The following AGBL4 variants were observed in gnomAD, a reference collection of about 807,000 sequenced individuals.
The protein encoded by AGBL4 is cytosolic carboxypeptidase 6.
AGBL4 carries 58 observed loss-of-function variants against 66.4 expected under a neutral mutation model. The observed-to-expected ratio is 0.87, with a 90% confidence interval of 0.71 to 1.09. The LOEUF (loss-of-function observed/expected upper bound fraction) is 1.09. Ranked by LOEUF, AGBL4 falls within the 50% of genes least tolerant of loss-of-function variation. The pLI, the probability that AGBL4 is intolerant of heterozygous loss-of-function variation, is 0.00. For synonymous variants in AGBL4, 234 were observed against 222.9 expected (o/e 1.05, Z -0.44); for missense variants, 579 against 631.0 (o/e 0.92, Z 0.88).
chr1:49,071,191 T>A (rs1431206519), intron 4 of AGBL4, among the ~76,000 whole-genome samples: 1 of 151,830 alleles, frequency 6.6e-6, no homozygotes, highest in Non-Finnish European at 1.5e-5. Context: ...TTTCAAAAAA[T>A]CAGCTCCTGG....
intron 3 of AGBL4, among the ~76,000 whole-genome samples, chr1:49,573,987 G>T (rs1013944332): frequency 2.6e-5 from 4 of 152,136 alleles, no homozygotes; most frequent in African/African-American, 7.2e-5. Flanking sequence ...ACCCTGTGCT[G>T]CCTGAGGCAA....
chr1:48,763,309 T>C (rs1342923060), intron 6 of AGBL4, among the ~76,000 whole-genome samples: 4 of 152,138 alleles, frequency 2.6e-5, no homozygotes, highest in Non-Finnish European at 1.5e-5. Flanking sequence ...ATAAAACACA[T>C]CCAATGGGTT....
At chr1:50,003,171 T>C (rs1465731766) in intron 1 of AGBL4, among the ~76,000 whole-genome samples, 1 of 152,198 alleles carries the variant, frequency 6.6e-6, no homozygotes, top group Non-Finnish European at 1.5e-5. Context: ...AAGAATGTGA[T>C]AAATATGACT....
intron 3 of AGBL4, among the ~76,000 whole-genome samples, chr1:49,448,219 T>A (rs1427881605): frequency 1.3e-5 from 2 of 152,148 alleles, no homozygotes; most frequent in Non-Finnish European, 2.9e-5. Flanking sequence ...GCTTTAACAA[T>A]TATGTATTGG....
At chr1:48,692,713 T>A (rs1646652839) in intron 6 of AGBL4, among the ~76,000 whole-genome samples, 1 of 152,166 alleles carries the variant, frequency 6.6e-6, no homozygotes, top group Admixed American at 6.5e-5. Context: ...AGCTTGTGTT[T>A]GTTGTAGAGC....
intron 2 of AGBL4, among the ~76,000 whole-genome samples, chr1:49,813,927 C>T (rs972225629): frequency 6.6e-6 from 1 of 152,084 alleles, no homozygotes; most frequent in Admixed American, 6.6e-5. Context: ...GCGGGCAGGT[C>T]TTTCCCATGC....
chr1:48,663,324 A>C (rs1403868569), intron 6 of AGBL4, 83 bp from the exon 7 acceptor site: 1 of 1,297,390 alleles, frequency 7.7e-7, no homozygotes, highest in Non-Finnish European at 1.1e-6. Context: ...GGAACCCCAG[A>C]GGGAATGGGC....
At chr1:48,605,971 A>G (rs900979227) in intron 9 of AGBL4, among the ~76,000 whole-genome samples, 1 of 152,202 alleles carries the variant, frequency 6.6e-6, no homozygotes, top group African/African-American at 2.4e-5. Flanking sequence ...CCAGGTTAAT[A>G]ACAGTAATGG....
At chr1:48,638,334 C>T (rs1645700898) in intron 8 of AGBL4, among the ~76,000 whole-genome samples, 1 of 152,214 alleles carries the variant, frequency 6.6e-6, no homozygotes, top group African/African-American at 2.4e-5. Flanking sequence ...GTGTTCCTCA[C>T]CAGCTGTGTG....
At chr1:49,964,944 T>C (rs902206380) in intron 1 of AGBL4, among the ~76,000 whole-genome samples, 6 of 152,176 alleles carry the variant, frequency 3.9e-5, no homozygotes, top group African/African-American at 1.2e-4. Flanking sequence ...AAACATATTT[T>C]ATTATAAAGA....
At chr1:49,016,638 C>A (rs368437686) in intron 5 of AGBL4, among the ~76,000 whole-genome samples, 16 of 152,142 alleles carry the variant, frequency 1.1e-4, no homozygotes, top group East Asian at 9.7e-4. Flanking sequence ...GAGGTCATGA[C>A]CTCAAAGGCT....
chr1:49,180,208 T>G (rs1474035378), intron 4 of AGBL4, among the ~76,000 whole-genome samples: 10 of 152,200 alleles, frequency 6.6e-5, no homozygotes, highest in Admixed American at 5.9e-4. Context: ...ACTTAACATC[T>G]TTAAATCTCA....
chr1:49,384,322 G>A (rs1220440801), intron 3 of AGBL4, among the ~76,000 whole-genome samples: 4 of 152,116 alleles, frequency 2.6e-5, no homozygotes, highest in East Asian at 3.9e-4. Flanking sequence ...GGCTGGGCTC[G>A]GTGGCTCATG....
At chr1:49,992,166 T>C (rs1320805601) in intron 1 of AGBL4, among the ~76,000 whole-genome samples, 1 of 151,988 alleles carries the variant, frequency 6.6e-6, no homozygotes, top group Non-Finnish European at 1.5e-5. Context: ...GGTCAGGAGA[T>C]CGAGACCATC....
At chr1:49,738,206 C>A (rs1650068386) in intron 2 of AGBL4, among the ~76,000 whole-genome samples, 1 of 152,222 alleles carries the variant, frequency 6.6e-6, no homozygotes, top group Non-Finnish European at 1.5e-5. Flanking sequence ...TCACTCCCAC[C>A]CTAACACTGA....
chr1:48,567,355 C>T (rs950429904), intron 11 of AGBL4, among the ~76,000 whole-genome samples: 1 of 152,208 alleles, frequency 6.6e-6, no homozygotes, highest in South Asian at 2.1e-4. Flanking sequence ...GCCCACACCA[C>T]AGCCCTGACT....
intron 2 of AGBL4, among the ~76,000 whole-genome samples, chr1:49,715,030 A>G (rs1276126534): frequency 6.6e-6 from 1 of 152,052 alleles, no homozygotes; most frequent in African/African-American, 2.4e-5. Flanking sequence ...GGTTTGTTAC[A>G]TAGGTATACA....
intron 4 of AGBL4, among the ~76,000 whole-genome samples, chr1:49,231,956 C>T (rs1379996414): frequency 6.6e-6 from 1 of 152,130 alleles, no homozygotes; most frequent in Non-Finnish European, 1.5e-5. Flanking sequence ...GAGCACATTA[C>T]TGTAGGAAAG....
intron 3 of AGBL4, among the ~76,000 whole-genome samples, chr1:49,565,458 T>A (rs1273656053): frequency 6.6e-6 from 1 of 152,216 alleles, no homozygotes; most frequent in African/African-American, 2.4e-5. Flanking sequence ...TTCCCTTCCA[T>A]GTTTAGTGCT....
Sources: gnomAD v4.1 joint callset for allele counts (sites outside exome capture counted in the v4.1 genomes callset) on GRCh38, gnomAD v4.1.1 for gene constraint, MANE v1.5 for transcripts, NCBI Gene and HGNC (gene_info 2026-07-23, HGNC 2026-07-21) for gene names.